The following FYN variants were observed in gnomAD, a reference collection of about 807,000 sequenced individuals.
FYN encodes the protein tyrosine-protein kinase Fyn.
In FYN, 10 loss-of-function variants were observed where a neutral mutation model predicts 70.2. That is an observed-to-expected ratio of 0.14 (90% CI 0.09 to 0.24). The LOEUF (loss-of-function observed/expected upper bound fraction) is 0.24. Ranked by LOEUF, FYN falls within the 10% of genes least tolerant of loss-of-function variation. FYN has a pLI of 1.00. For synonymous variants in FYN, 236 were observed against 248.6 expected (o/e 0.95, Z 0.48); for missense variants, 319 against 673.1 (o/e 0.47, Z 5.82).
Position 111,731,799 on chromosome 6 carries a change from G to A in FYN, c.-11-11737C>T, listed in dbSNP as rs138826840. 9.2e-5 allele frequency among the ~76,000 whole-genome samples: 14 copies of A among 152,306 alleles called. No homozygotes were observed. In the East Asian group the frequency reaches 2.5e-3, roughly 27 times the overall value. ...CTCCTCCTACACTTTATTGCCTGAA[G>A]GAAAGGAGGATGGTCTCTGCCTTCC... On this transcript the variant is annotated intron_variant, in intron 3 of 13. Coordinates refer to ENST00000354650, the MANE Select transcript of FYN (RefSeq NM_002037.5).
chr6:111,772,535 GA>G (rs1479911248), intron 3 of FYN, among the ~76,000 whole-genome samples: 1 of 152,182 alleles, frequency 6.6e-6, no homozygotes, highest in Non-Finnish European at 1.5e-5. Flanking sequence ...TAGCACTGAG[GA>G]TGGTGGAACA....
At chr6:111,676,908 A>T (rs804180) in intron 12 of FYN, among the ~76,000 whole-genome samples, 4,631 of 151,372 alleles carry the variant, frequency 0.031, 249 homozygotes, top group African/African-American at 0.11. Context: ...ATTTCAGATT[A>T]AAAAAAACCA....
intron 8 of FYN, 196 bp downstream of exon 8, chr6:111,702,689 A>G (rs1403205330): frequency 2.4e-6 from 1 of 421,484 alleles, no homozygotes; most frequent in Non-Finnish European, 4.1e-6. Flanking sequence ...AAACATGTGG[A>G]ACTAATAATA....
At chr6:111,816,261 T>A (rs1772486773) in intron 2 of FYN, among the ~76,000 whole-genome samples, 1 of 152,178 alleles carries the variant, frequency 6.6e-6, no homozygotes, top group Admixed American at 6.5e-5. Context: ...CAAAGGGTTA[T>A]CTTTGAGTTA....
chr6:111,857,085 A>G (rs1330307021), intron 1 of FYN, among the ~76,000 whole-genome samples: 1 of 152,156 alleles, frequency 6.6e-6, no homozygotes, highest in Non-Finnish European at 1.5e-5. Flanking sequence ...CTACTTACAA[A>G]TTATACTTGG....
intron 2 of FYN, among the ~76,000 whole-genome samples, chr6:111,828,669 TA>T (rs143636972): frequency 5.8e-4 from 88 of 152,340 alleles, no homozygotes; most frequent in African/African-American, 2.1e-3. Context: ...ACACATTCTA[TA>T]TGATCCACTT....
intron 2 of FYN, among the ~76,000 whole-genome samples, chr6:111,830,939 G>A (rs1260684790): frequency 6.6e-6 from 1 of 152,076 alleles, no homozygotes; most frequent in Non-Finnish European, 1.5e-5. Flanking sequence ...CATGGGCATG[G>A]GAGAGACTAG....
At chr6:111,747,139 T>C (rs1003692876) in intron 3 of FYN, among the ~76,000 whole-genome samples, 5 of 152,224 alleles carry the variant, frequency 3.3e-5, no homozygotes, top group Admixed American at 3.3e-4. Context: ...AGTAGCACTT[T>C]AGTAAGTAGA....
chr6:111,771,821 G>A lies in FYN; in HGVS notation c.-12+8745C>T, dbSNP rs78821414. ...GAGGTCCAGCAGTACCTGCCCTTTA[G>A]AGGTGCATAGCTTGTGCTTCTCCAG... is the stretch of plus-strand genomic sequence containing the variant. On this transcript the variant is annotated intron_variant, in intron 3 of 13. Coordinates refer to ENST00000354650, the MANE Select transcript of FYN (RefSeq NM_002037.5). Among the ~76,000 whole-genome samples, 313 of 152,282 alleles carry A rather than the reference G, an allele frequency of 2.1e-3. 2 individuals are homozygous for A. Among genetic ancestry groups the A allele is most frequent in the African/African-American group, 7.3e-3 (303 of 41,562 alleles).
intron 2 of FYN, among the ~76,000 whole-genome samples, chr6:111,814,986 A>G (rs1772441280): frequency 6.6e-6 from 1 of 152,234 alleles, no homozygotes; most frequent in South Asian, 2.1e-4. Flanking sequence ...GCATGTGTGT[A>G]TGTACACAGG....
In FYN at chr6:111,706,668, C is replaced by T. The variant is rs369228247; in HGVS notation, c.443+1254G>A. 2.8e-4 allele frequency among the ~76,000 whole-genome samples: 42 copies of T among 151,888 alleles called. 1 individual carries two copies. Among genetic ancestry groups the T allele is most frequent in the East Asian group, 2.5e-3 (13 of 5,182 alleles). ...TGATAGTTAATTGCATATGTAAAAC[C>T]GAAGGCATTATTTTAAAAAATAATA... is the stretch of plus-strand genomic sequence containing the variant. On this transcript the variant is annotated intron_variant, in intron 6 of 13. Transcript: ENST00000354650.
At chr6:111,841,366 T>TA (rs923178681) in intron 2 of FYN, among the ~76,000 whole-genome samples, 14 of 152,212 alleles carry the variant, frequency 9.2e-5, no homozygotes, top group African/African-American at 2.9e-4. Flanking sequence ...GAAAGATGTG[T>TA]AAAAAAATAC....
At chr6:111,843,747 AG>A (rs1773434169) in intron 2 of FYN, among the ~76,000 whole-genome samples, 9 of 152,200 alleles carry the variant, frequency 5.9e-5, no homozygotes, top group Admixed American at 5.9e-4. Context: ...GGCTTGGCAC[AG>A]ATAAGGATTC....
At chr6:111,701,559 T>A (rs1051348383) in intron 8 of FYN, among the ~76,000 whole-genome samples, 11 of 152,108 alleles carry the variant, frequency 7.2e-5, no homozygotes, top group Admixed American at 5.2e-4. Context: ...TGAGATGGAT[T>A]TTTTTTCCCC....
At chr6:111,715,451 C>T (rs943534010) in intron 4 of FYN, among the ~76,000 whole-genome samples, 2 of 152,134 alleles carry the variant, frequency 1.3e-5, no homozygotes, top group African/African-American at 2.4e-5. Context: ...GCAAGCCCCT[C>T]CCCTTGAGTG....
intron 13 of FYN, among the ~76,000 whole-genome samples, chr6:111,668,878 G>C (rs1441120565): frequency 1.3e-5 from 2 of 152,124 alleles, no homozygotes; most frequent in Non-Finnish European, 1.5e-5. Flanking sequence ...CCTGGTTGGA[G>C]AGTCCTAACC....
chr6:111,735,847 G>C (rs1289855795), intron 3 of FYN, among the ~76,000 whole-genome samples: 1 of 152,206 alleles, frequency 6.6e-6, no homozygotes, highest in Non-Finnish European at 1.5e-5. Context: ...TGTTACATGT[G>C]AGAATAAAGA....
intron 12 of FYN, among the ~76,000 whole-genome samples, chr6:111,681,420 CA>C (rs1798776070): frequency 6.6e-6 from 1 of 152,198 alleles, no homozygotes; most frequent in African/African-American, 2.4e-5. Flanking sequence ...CTTGGTCTCC[CA>C]AAGTGCTGGG....
intron 2 of FYN, among the ~76,000 whole-genome samples, chr6:111,829,853 T>C (rs9400509): frequency 0.078 from 11,872 of 152,184 alleles, 569 homozygotes; most frequent in East Asian, 0.15. Flanking sequence ...GTGCCTGGCT[T>C]GGTGCTAGGA....
Sources: gnomAD v4.1 joint callset for allele counts (sites outside exome capture counted in the v4.1 genomes callset) on GRCh38, gnomAD v4.1.1 for gene constraint, MANE v1.5 for transcripts, NCBI Gene and HGNC (gene_info 2026-07-23, HGNC 2026-07-21) for gene names.